ADGB: variants seen among roughly 807,000 people sequenced by gnomAD.
The protein encoded by ADGB is androglobin, also known as calpain-7-like protein.
ADGB carries 172 observed loss-of-function variants against 210.5 expected under a neutral mutation model. That is an observed-to-expected ratio of 0.82 (90% CI 0.72 to 0.93). The LOEUF is 0.93. Among genes scored for constraint, ADGB ranks in the 40% least tolerant of loss-of-function variants. The pLI is 0.00. For missense variants in ADGB, 2,025 were observed against 1,964.8 expected (o/e 1.03, Z -0.58); for synonymous variants, 658 against 662.7 (o/e 0.99, Z 0.11).
chr6:146,790,422 A>T (rs1777937690), intron 33 of ADGB, among the ~76,000 whole-genome samples: 1 of 152,044 alleles, frequency 6.6e-6, no homozygotes, highest in Admixed American at 6.6e-5. Context: ...TAGATTCCAC[A>T]TATAAATGAG....
chr6:146,623,222 C>G (rs1046916824), intron 1 of ADGB, among the ~76,000 whole-genome samples: 10 of 151,828 alleles, frequency 6.6e-5, no homozygotes, highest in East Asian at 5.8e-4. Context: ...ATTAAAAAAG[C>G]CTGCTGGGAT....
chr6:146,767,507 C>T (rs906801309), intron 28 of ADGB, among the ~76,000 whole-genome samples: 5 of 152,294 alleles, frequency 3.3e-5, no homozygotes, highest in South Asian at 4.1e-4. Context: ...GACAGAGTCT[C>T]ACTCCATTGT....
intron 1 of ADGB, among the ~76,000 whole-genome samples, chr6:146,625,797 C>T (rs1015677155): frequency 1.1e-4 from 17 of 151,784 alleles, no homozygotes; most frequent in Non-Finnish European, 2.1e-4. Flanking sequence ...TATAAATTAC[C>T]CAGTCTTCAG....
In ADGB at chr6:146,654,272, C is replaced by G. The variant is rs892876416; in HGVS notation, c.402+66C>G. The stretch of plus-strand genomic sequence containing the variant: ...ACTTCCAGTCCTGCTTAAACCATTC[C>G]CAGACAGTCGATTTCAACTCTCCCT... On this transcript the variant is annotated intron_variant, in intron 4 of 35. Transcript: ENST00000397944. 1.6e-5 allele frequency: 17 copies of G among 1,095,844 alleles called. No individual in the cohort carries two copies. The African/African-American group carries it at 2.9e-4, about 19-fold the overall frequency. The allele number at this position is 1,095,844 out of a possible 1,614,324, so 67.9% of individuals were successfully genotyped here.
At chr6:146,646,557 C>CT (rs1225946591) in intron 3 of ADGB, among the ~76,000 whole-genome samples, 3 of 152,064 alleles carry the variant, frequency 2.0e-5, no homozygotes, top group Non-Finnish European at 4.4e-5. Flanking sequence ...GACTCTGTAA[C>CT]TTAACAGCAG....
chr6:146,749,583 G>T (rs910945711), intron 26 of ADGB, among the ~76,000 whole-genome samples: 2 of 152,124 alleles, frequency 1.3e-5, no homozygotes, highest in Non-Finnish European at 2.9e-5. Flanking sequence ...AGTTTCTATA[G>T]GATGGTGACA....
At chr6:146,615,069 T>TG (rs1030392267) in intron 1 of ADGB, among the ~76,000 whole-genome samples, 1 of 120,010 alleles carries the variant, frequency 8.3e-6, no homozygotes, top group African/African-American at 3.4e-5. Context: ...CCCGGCTAAT[T>TG]TTTTTTTTTT....
intron 33 of ADGB, among the ~76,000 whole-genome samples, chr6:146,793,847 CCTT>C (rs1392303830): frequency 3.9e-5 from 6 of 152,156 alleles, no homozygotes; most frequent in African/African-American, 1.4e-4. Context: ...GGTACAAAGT[CCTT>C]CTTTCTCAGC....
intron 29 of ADGB, 54 bp downstream of exon 29, chr6:146,769,185 T>C: frequency 1.2e-6 from 1 of 812,750 alleles, no homozygotes. Context: ...AAGTTGATAT[T>C]TAAATATTTA....
intron 1 of ADGB, among the ~76,000 whole-genome samples, chr6:146,616,852 G>T (rs570001979): frequency 6.6e-6 from 1 of 152,112 alleles, no homozygotes; most frequent in Admixed American, 6.6e-5. Context: ...TTATACTTTT[G>T]TAATCTATTT....
intron 3 of ADGB, among the ~76,000 whole-genome samples, chr6:146,647,115 A>AAAAAAAAAAAAAAAAAAAAC (rs1562263814): frequency 6.8e-6 from 1 of 147,930 alleles, no homozygotes; most frequent in African/African-American, 2.6e-5. Context: ...CAAAAAACAA[A>AAAAAAAAAAAAAAAAAAAAC]AAACAAACAA....
At chr6:146,771,604 A>C (rs1269586906) in intron 29 of ADGB, among the ~76,000 whole-genome samples, 1 of 152,100 alleles carries the variant, frequency 6.6e-6, no homozygotes, top group Non-Finnish European at 1.5e-5. Flanking sequence ...TTCTCTATCA[A>C]TTAACAGAAA....
chr6:146,811,285 T>C (rs566174206), intron 35 of ADGB, among the ~76,000 whole-genome samples: 1 of 152,172 alleles, frequency 6.6e-6, no homozygotes, highest in African/African-American at 2.4e-5. Flanking sequence ...CAATGTGTCT[T>C]GCTTTTTCTC....
At chr6:146,636,792 A>G (rs1016108757) in intron 2 of ADGB, among the ~76,000 whole-genome samples, 4 of 152,022 alleles carry the variant, frequency 2.6e-5, no homozygotes, top group African/African-American at 4.8e-5. Flanking sequence ...AAATGGTTGC[A>G]TGGTAGCTCT....
chr6:146,806,198 A>T (rs1348393716), intron 35 of ADGB, among the ~76,000 whole-genome samples: 1 of 152,236 alleles, frequency 6.6e-6, no homozygotes, highest in South Asian at 2.1e-4. Context: ...CGGGGAAAAA[A>T]TACTAAGACA....
intron 1 of ADGB, among the ~76,000 whole-genome samples, chr6:146,630,663 A>C (rs1334196892): frequency 6.6e-6 from 1 of 152,230 alleles, no homozygotes; most frequent in African/African-American, 2.4e-5. Flanking sequence ...GTCTTAAAAA[A>C]TTGGAATCTT....
chr6:146,675,713 G>A (rs1361206588), intron 8 of ADGB, among the ~76,000 whole-genome samples: 1 of 152,116 alleles, frequency 6.6e-6, no homozygotes, highest in Non-Finnish European at 1.5e-5. Flanking sequence ...AAGTATTTTA[G>A]GTTGAAGAAG....
intron 8 of ADGB, among the ~76,000 whole-genome samples, chr6:146,675,175 C>T (rs192311047): frequency 3.8e-4 from 57 of 151,996 alleles, no homozygotes; most frequent in Non-Finnish European, 5.6e-4. Flanking sequence ...AGATATGGGC[C>T]GGGCATAGTT....
chr6:146,614,924 AG>A (rs905919168), intron 1 of ADGB, among the ~76,000 whole-genome samples: 1 of 152,066 alleles, frequency 6.6e-6, no homozygotes, highest in Non-Finnish European at 1.5e-5. Context: ...TTTTTGAGAC[AG>A]AGTCTCGCTC....
Sources: allele counts gnomAD v4.1 joint callset (sites outside exome capture counted in the v4.1 genomes callset), GRCh38; gene constraint gnomAD v4.1.1; transcripts MANE v1.5; gene names NCBI Gene and HGNC (gene_info 2026-07-23, HGNC 2026-07-21).